Variants in SFPQ observed in about 807,000 individuals in gnomAD.
The protein encoded by SFPQ is splicing factor proline and glutamine rich, also known as splicing factor, proline- and glutamine-rich.
In SFPQ, 11 loss-of-function variants were observed where a neutral mutation model predicts 72.9. That is an observed-to-expected ratio of 0.15 (90% CI 0.09 to 0.25). The LOEUF (loss-of-function observed/expected upper bound fraction) is 0.25, where lower values mean the gene tolerates loss of function less well. Ranked by LOEUF, SFPQ falls within the 10% of genes least tolerant of loss-of-function variation. The pLI, the probability that SFPQ is intolerant of heterozygous loss-of-function variation, is 1.00. For missense variants in SFPQ, 847 were observed against 993.3 expected (o/e 0.85, Z 1.98); for synonymous variants, 506 against 367.3 (o/e 1.38, Z -4.32).
rs1557815488 is a variant in SFPQ, at chr1:35,192,275, G to A, written c.775C>T (p.Pro259Ser). 6.8e-7 allele frequency: 1 copy of A among 1,462,350 alleles called. No homozygotes were observed. The allele number at this position is 1,462,350 out of a possible 1,614,324, so 90.6% of individuals were successfully genotyped here. The change falls in exon 1 of 10, where the codon CCC becomes TCC. Residue 259 changes from proline (P) to serine (S), a missense_variant. By Grantham distance (74) the Pro-to-Ser change is moderately conservative (BLOSUM62 -1). This residue lies in a region of SFPQ where 498 missense variants were observed against 405.1 expected (regional missense o/e 1.23). Coordinates refer to ENST00000357214, the MANE Select transcript of SFPQ (RefSeq NM_005066.3). Reference protein sequence around the residue: ...PPYHQQHHQGPPPGGPGGRSE... With the variant: ...PPYHQQHHQGSPPGGPGGRSE... The stretch of plus-strand genomic sequence containing the variant: ...CGGCCGCCGGGCCCGCCGGGCGGGG[G>A]CCCCTGGTGATGCTGCTGGTGGTAG...
In SFPQ at chr1:35,184,076, C is replaced by T; in HGVS notation, c.*380G>A. The T allele has an allele frequency of 9.1e-7, 1 of 1,094,926 alleles. No individual in the cohort carries two copies. The highest frequency in any genetic ancestry group is 3.7e-5 in the South Asian group (1 of 27,130). 67.8% of individuals were successfully genotyped at this position (1,094,926 alleles called of 1,614,324 possible). ...CATGCTTTCAATGTGGAATACGTAG[C>T]CTAATATGCATAGAAGCATGAATGG... On this transcript the variant is annotated 3_prime_UTR_variant, in exon 10 of 10. Coordinates refer to ENST00000357214, the MANE Select transcript of SFPQ (RefSeq NM_005066.3).
chr1:35,186,305 T>TTGTTCTAAGCATCTGAC (rs1639708990), intron 9 of SFPQ, among the ~76,000 whole-genome samples: 1 of 152,194 alleles, frequency 6.6e-6, no homozygotes, highest in South Asian at 2.1e-4. Flanking sequence ...GTTCAACTGA[T>TTGTTCTAAGCATCTGAC]TGTTCTAAGC....
downstream of SFPQ, chr1:35,179,631 G>C: frequency 9.5e-7 from 1 of 1,054,744 alleles, no homozygotes. Flanking sequence ...ATTAAAGCTA[G>C]TAAGAACACA....
intron 4 of SFPQ, chr1:35,177,903 C>T (rs1639313403): frequency 8.1e-6 from 4 of 493,034 alleles, no homozygotes; most frequent in Non-Finnish European, 1.2e-5. Context: ...TCTCAAATAT[C>T]GAAGTTTCAC....
chr1:35,186,552 C>T (rs1411873097), intron 9 of SFPQ, among the ~76,000 whole-genome samples: 2 of 152,180 alleles, frequency 1.3e-5, no homozygotes, highest in Non-Finnish European at 2.9e-5. Flanking sequence ...GGTCAAAGTC[C>T]TACACATCAC....
chr1:35,192,929 T>G lies in SFPQ; in HGVS notation c.121A>C (p.Asn41His). ...GGACCCATGGGGCCGCGATTCTGAT[T>G]GAGGCCCATGCCGGGCGGCGGAGAA... ...FRSPPPGMGL[N>H]QNRGPMGPGP... Residue 41 changes from asparagine (N) to histidine (H), a missense_variant, in exon 1 of 10, where the codon AAT becomes CAT. By Grantham distance (68) the Asn-to-His change is moderately conservative. Coordinates refer to ENST00000357214, the MANE Select transcript of SFPQ (RefSeq NM_005066.3). 5 of 1,586,878 alleles carry G rather than the reference T, an allele frequency of 3.2e-6. No individual in the cohort carries two copies. Among genetic ancestry groups the G allele is most frequent in the Non-Finnish European group, 4.3e-6 (5 of 1,174,652 alleles).
chr1:35,186,892 TA>T, intron 9 of SFPQ, 108 bp downstream of exon 9: 2 of 1,112,212 alleles, frequency 1.8e-6, no homozygotes, highest in Non-Finnish European at 2.6e-6. Context: ...TAGGGGAAAC[TA>T]AAAGAGGTCC....
chr1:35,184,540 A>C lies in SFPQ; in HGVS notation c.2040T>G (p.Pro680=), dbSNP rs754553285. ...GGAGPVGGQG[P]RGMGPGTPAG... ...CTGGAGTTCCAGGCCCCATTCCTCTAGGACCCTGTCCACCCACAGGCCCCG... is the reference window on the plus strand; with the variant it reads ...CTGGAGTTCCAGGCCCCATTCCTCTCGGACCCTGTCCACCCACAGGCCCCG... The change falls in exon 10 of 10, where the codon CCT becomes CCG. Residue 680 remains proline (P), a synonymous_variant. Coordinates refer to ENST00000357214, the MANE Select transcript of SFPQ (RefSeq NM_005066.3). 6.2e-6 allele frequency: 10 copies of C among 1,612,886 alleles called. No homozygotes were observed. In the Admixed American group the frequency reaches 1.7e-4, roughly 27 times the overall value.
At chr1:35,182,707 G>C, downstream of SFPQ, 1 of 985,372 alleles carries the variant, frequency 1.0e-6, no homozygotes, top group Non-Finnish European at 1.2e-6. Flanking sequence ...TCCATAGTAA[G>C]AATTCTACAA....
At position 35,192,420 on chromosome 1, in the gene SFPQ, G is replaced by C; in HGVS notation, c.630C>G (p.Gly210=). The stretch of plus-strand genomic sequence containing the variant: ...CTGGCTTCGGCCCGCCAGGCATTTT[G>C]CCGCCTTTGGGACCACCCGGACCTG... ...QGPGPGGPKG[G]KMPGGPKPGG... The change falls in exon 1 of 10, where the codon GGC becomes GGG. Residue 210 remains glycine, a synonymous_variant. Transcript: ENST00000357214. 3 of 1,426,480 alleles carry C rather than the reference G, an allele frequency of 2.1e-6. No individual in the cohort carries two copies. The highest frequency in any genetic ancestry group is 3.0e-5 in the East Asian group (1 of 32,820). 88.4% of individuals were successfully genotyped at this position (1,426,480 alleles called of 1,614,324 possible).
Position 35,187,850 on chromosome 1 carries a change from T to C in SFPQ, c.1815+123A>G, listed in dbSNP as rs1343131671. The C allele has an allele frequency of 1.7e-5, 12 of 691,428 alleles. No homozygotes were observed. In the East Asian group the frequency reaches 2.0e-4, roughly 11 times the overall value. 42.8% of individuals were successfully genotyped at this position (691,428 alleles called of 1,614,324 possible). ...CCATACAAGGAAATCAAACATAATATACTTTGTTAGAAAAAAAGCAGAAAA... is the reference window on the plus strand; with the variant it reads ...CCATACAAGGAAATCAAACATAATACACTTTGTTAGAAAAAAAGCAGAAAA... On this transcript the variant is annotated intron_variant, in intron 7 of 9. Coordinates refer to ENST00000357214, the MANE Select transcript of SFPQ (RefSeq NM_005066.3).
downstream of SFPQ, chr1:35,182,266 A>G (rs532930058): frequency 1.9e-5 from 19 of 985,146 alleles, no homozygotes; most frequent in East Asian, 6.8e-4. Flanking sequence ...TAATTCAACC[A>G]AACTGTAATG....
In SFPQ at chr1:35,191,048, T is replaced by C. The variant is rs926907726; in HGVS notation, c.1018-53A>G. ...GACCTCAAAATTGGATGATGTCTAC[T>C]CTTAAATTGTCATAGGCCTACTTCC... On this transcript the variant is annotated intron_variant, in intron 2 of 9. Coordinates refer to ENST00000357214, the MANE Select transcript of SFPQ (RefSeq NM_005066.3). 8 of 1,457,892 alleles carry C rather than the reference T, an allele frequency of 5.5e-6. No individual in the cohort carries two copies. The Admixed American group carries it at 1.3e-4, about 24-fold the overall frequency. 90.3% of individuals were successfully genotyped at this position (1,457,892 alleles called of 1,614,324 possible).
At position 35,183,044 on chromosome 1, in the gene SFPQ, T is replaced by C; in HGVS notation, c.*1412A>G. ...AAAACGAAACTATGTGAAAACAAGT[T>C]AAATTTACAATAAGAATGATTATCT... On this transcript the variant is annotated 3_prime_UTR_variant, in exon 10 of 10. Transcript: ENST00000357214. 9.7e-7 allele frequency: 1 copy of C among 1,034,354 alleles called. No individual in the cohort carries two copies. Among genetic ancestry groups the C allele is most frequent in the Non-Finnish European group, 1.2e-6 (1 of 859,818 alleles). 64.1% of individuals were successfully genotyped at this position (1,034,354 alleles called of 1,614,324 possible). A position where few individuals can be genotyped will look rare whatever the true frequency, so the allele number is the denominator to read the frequency against.
At chr1:35,186,347 G>C (rs1570122982) in intron 9 of SFPQ, among the ~76,000 whole-genome samples, 1 of 152,178 alleles carries the variant, frequency 6.6e-6, no homozygotes, top group South Asian at 2.1e-4. Context: ...GCTGAAACAT[G>C]ATAGCATCAA....
At chr1:35,185,339 C>G (rs1639657552) in intron 9 of SFPQ, among the ~76,000 whole-genome samples, 1 of 152,188 alleles carries the variant, frequency 6.6e-6, no homozygotes, top group South Asian at 2.1e-4. Context: ...GAACAAACCC[C>G]ACCCACCTTC....
chr1:35,188,046 C>T lies in SFPQ; in HGVS notation c.1742G>A (p.Arg581His), dbSNP rs1639810720. ...CATTTGTTCTTCCATCTCACGTTGA[C>T]GAATCATCATCTCTTCCTCTCTTCT... Reference protein sequence around the residue: ...RRRREEEMMIRQREMEEQMRR... With the variant: ...RRRREEEMMIHQREMEEQMRR... The change falls in exon 7 of 10, where the codon CGT becomes CAT. Residue 581 changes from arginine to histidine, a missense_variant. Transcript: ENST00000357214. 3.1e-6 allele frequency: 5 copies of T among 1,614,090 alleles called. No individual in the cohort carries two copies. Among genetic ancestry groups the T allele is most frequent in the East Asian group, 4.5e-5 (2 of 44,870 alleles).
chr1:35,191,592 T>TA (rs1319270930), intron 1 of SFPQ, 63 bp from the exon 2 acceptor site: 1 of 1,303,260 alleles, frequency 7.7e-7, no homozygotes, highest in African/African-American at 1.5e-5. Flanking sequence ...ATCCCCAAGA[T>TA]AGTATTTGCT....
chr1:35,188,068 T>G lies in SFPQ; in HGVS notation c.1720A>C (p.Arg574=). Residue 574 remains arginine (R), a synonymous_variant, in exon 7 of 10, where the codon AGA becomes CGA. Transcript: ENST00000357214. ...TGACGAATCATCATCTCTTCCTCTC[T>G]TCTACGTCGTTCCTCCTCTTGCCTA... ...QLRQEEERRR[R]EEEMMIRQRE... The G allele has an allele frequency of 6.2e-7, 1 of 1,613,818 alleles. No individual in the cohort carries two copies. Among genetic ancestry groups the G allele is most frequent in the South Asian group, 1.1e-5 (1 of 91,082 alleles).
Sources: allele counts gnomAD v4.1 joint callset (sites outside exome capture counted in the v4.1 genomes callset), GRCh38; gene constraint gnomAD v4.1.1; regional missense constraint gnomAD v4.1.1; transcripts MANE v1.5; gene names NCBI Gene and HGNC (gene_info 2026-07-23, HGNC 2026-07-21).